Variants in FGD4 observed in about 807,000 individuals in gnomAD.
The protein encoded by FGD4 is FYVE, RhoGEF and PH domain containing 4.
FGD4 carries 42 observed loss-of-function variants against 102.0 expected under a neutral mutation model. The observed-to-expected ratio is 0.41, with a 90% CI of 0.32 to 0.53. The LOEUF (loss-of-function observed/expected upper bound fraction) is 0.53, where lower values mean the gene tolerates loss of function less well. FGD4 is among the 20% of genes least tolerant of loss of function. The pLI, the probability that FGD4 is intolerant of heterozygous loss-of-function variation, is 0.21. For synonymous variants in FGD4, 380 were observed against 375.7 expected (o/e 1.01, Z -0.13); for missense variants, 902 against 1,078.2 (o/e 0.84, Z 2.29).
intron 15 of FGD4, chr12:32,637,742 T>G (rs1318715156): frequency 6.6e-6 from 1 of 151,970 alleles, no homozygotes; most frequent in Non-Finnish European, 1.5e-5. Flanking sequence ...AGTGAGCAAG[T>G]GTATGAAGGA....
chr12:32,531,865 T>C (rs1235694837), intron 1 of FGD4, among the ~76,000 whole-genome samples: 2 of 152,194 alleles, frequency 1.3e-5, no homozygotes, highest in African/African-American at 2.4e-5. Context: ...TAGAATTTAG[T>C]GTTAAGTTTG....
chr12:32,446,548 C>T (rs1942622069), intron 1 of FGD4, among the ~76,000 whole-genome samples: 1 of 152,106 alleles, frequency 6.6e-6, no homozygotes, highest in Non-Finnish European at 1.5e-5. Context: ...GGTATAGGAA[C>T]AGTTCCTGAA....
intron 1 of FGD4, among the ~76,000 whole-genome samples, chr12:32,446,912 A>T (rs1233505826): frequency 6.6e-6 from 1 of 152,212 alleles, no homozygotes; most frequent in Non-Finnish European, 1.5e-5. Flanking sequence ...AATGAGGGGC[A>T]TGCATCCTGC....
chr12:32,523,644 C>A (rs182875036), intron 1 of FGD4, among the ~76,000 whole-genome samples: 26 of 152,378 alleles, frequency 1.7e-4, no homozygotes, highest in Non-Finnish European at 2.6e-4. Context: ...AAACTTTTAT[C>A]TGCTTGCATT....
chr12:32,539,804 C>T (rs560352454), intron 1 of FGD4, among the ~76,000 whole-genome samples: 9 of 152,070 alleles, frequency 5.9e-5, no homozygotes, highest in Admixed American at 1.3e-4. Flanking sequence ...AGTAATTATA[C>T]ATTATTAGAT....
At chr12:32,594,866 C>T (rs1282472069) in intron 4 of FGD4, among the ~76,000 whole-genome samples, 2 of 152,002 alleles carry the variant, frequency 1.3e-5, no homozygotes, top group African/African-American at 2.4e-5. Context: ...CCCGTCTCTA[C>T]TAAAACTACA....
chr12:32,470,463 C>CT (rs551854980), intron 1 of FGD4, among the ~76,000 whole-genome samples: 2,217 of 130,802 alleles, frequency 0.017, 42 homozygotes, highest in African/African-American at 0.039. Context: ...TTTTCTTTTT[C>CT]TTTTTTTTTT....
chr12:32,636,172 G>A (rs1183175748), intron 15 of FGD4, among the ~76,000 whole-genome samples: 1 of 151,980 alleles, frequency 6.6e-6, no homozygotes, highest in East Asian at 1.9e-4. Context: ...CTGGCTCATG[G>A]GCCATACAAA....
chr12:32,494,740 C>T (rs1327539504), intron 1 of FGD4, among the ~76,000 whole-genome samples: 2 of 152,134 alleles, frequency 1.3e-5, no homozygotes, highest in Non-Finnish European at 2.9e-5. Flanking sequence ...ATGGTTGGCA[C>T]CCAAGAGGGC....
intron 1 of FGD4, among the ~76,000 whole-genome samples, chr12:32,413,390 T>G (rs951737350): frequency 3.3e-5 from 5 of 152,242 alleles, no homozygotes; most frequent in Admixed American, 6.5e-5. Context: ...CTGTGTAAAT[T>G]ATGCCGTCAT....
intron 1 of FGD4, among the ~76,000 whole-genome samples, chr12:32,526,800 CG>C (rs1415790095): frequency 6.6e-6 from 1 of 152,136 alleles, no homozygotes; most frequent in Non-Finnish European, 1.5e-5. Flanking sequence ...CTGGGAGGAA[CG>C]AACAACTCCA....
intron 1 of FGD4, among the ~76,000 whole-genome samples, chr12:32,419,115 G>T (rs1941535219): frequency 1.3e-5 from 2 of 152,150 alleles, no homozygotes; most frequent in Non-Finnish European, 2.9e-5. Flanking sequence ...GCTCAGGGCA[G>T]GTCCAGAAAT....
At chr12:32,558,990 G>A (rs907320564) in intron 1 of FGD4, among the ~76,000 whole-genome samples, 1 of 152,170 alleles carries the variant, frequency 6.6e-6, no homozygotes, top group African/African-American at 2.4e-5. Flanking sequence ...CTAACATACT[G>A]TAATTTGTTA....
At chr12:32,570,756 T>C (rs1444116393) in intron 2 of FGD4, among the ~76,000 whole-genome samples, 1 of 152,166 alleles carries the variant, frequency 6.6e-6, no homozygotes, top group African/African-American at 2.4e-5. Flanking sequence ...ATTCTGATTG[T>C]TATTCCTTTC....
intron 1 of FGD4, among the ~76,000 whole-genome samples, chr12:32,524,524 T>TAA (rs113473656): frequency 0.32 from 42,466 of 134,326 alleles, 6,179 homozygotes; most frequent in East Asian, 0.44. Context: ...ATAATTCAAA[T>TAA]AAAAAAAAAA....
intron 1 of FGD4, among the ~76,000 whole-genome samples, chr12:32,541,596 C>T (rs1768736308): frequency 6.6e-6 from 1 of 152,022 alleles, no homozygotes; most frequent in Admixed American, 6.6e-5. Context: ...AATCTCCTGA[C>T]CTGGTGATCC....
At chr12:32,603,467 A>G (rs1022116160) in intron 7 of FGD4, among the ~76,000 whole-genome samples, 5 of 151,768 alleles carry the variant, frequency 3.3e-5, no homozygotes, top group Non-Finnish European at 7.4e-5. Context: ...GGCTCACTGC[A>G]AGCTCCGCCT....
intron 1 of FGD4, among the ~76,000 whole-genome samples, chr12:32,432,031 CT>C (rs1253510686): frequency 2.0e-5 from 3 of 148,250 alleles, no homozygotes; most frequent in Non-Finnish European, 4.5e-5. Context: ...GGCACAGTGG[CT>C]CATGCCTGTA....
intron 1 of FGD4, among the ~76,000 whole-genome samples, chr12:32,424,237 AG>A (rs1459535008): frequency 6.6e-6 from 1 of 150,596 alleles, no homozygotes; most frequent in Non-Finnish European, 1.5e-5. Context: ...ACCCCCTAAC[AG>A]GCCCCGGTAT....
Sources: allele counts gnomAD v4.1 joint callset (sites outside exome capture counted in the v4.1 genomes callset), GRCh38; gene constraint gnomAD v4.1.1; transcripts MANE v1.5; gene names NCBI Gene and HGNC (gene_info 2026-07-23, HGNC 2026-07-21).